Variants in LRRC7 observed in about 807,000 individuals in gnomAD.
LRRC7 encodes the protein leucine-rich repeat-containing protein 7.
In LRRC7, 23 loss-of-function variants were observed where a neutral mutation model predicts 175.7. The observed-to-expected ratio is 0.13, with a 90% CI of 0.09 to 0.19. The LOEUF (loss-of-function observed/expected upper bound fraction) is 0.19, where lower values mean the gene tolerates loss of function less well. LRRC7 is among the 10% of genes least tolerant of loss of function. The pLI is 1.00. For synonymous variants in LRRC7, 685 were observed against 680.9 expected (o/e 1.01, Z -0.09); for missense variants, 1,354 against 1,904.7 (o/e 0.71, Z 5.38).
chr1:69,660,876 T>C (rs906016415), intron 1 of LRRC7, among the ~76,000 whole-genome samples: 1 of 152,044 alleles, frequency 6.6e-6, no homozygotes, highest in Non-Finnish European at 1.5e-5. Context: ...GATGTTGAAT[T>C]GAGAATAGAT....
rs746175015 is a variant in LRRC7, at chr1:70,023,360, C to G, written c.1780C>G (p.Leu594Val). The change falls in exon 17 of 27, where the codon CTA (leucine) becomes GTA (valine). Residue 594 changes from leucine (L) to valine (V), a missense_variant. Leu to Val is a conservative substitution (Grantham distance 32). Around this residue, in one of 4 missense-constraint regions of LRRC7, gnomAD observed 1,032 missense variants for 1,227.2 expected, o/e 0.84. Coordinates refer to ENST00000651989, the MANE Select transcript of LRRC7 (RefSeq NM_001370785.2). ...VAAQSTTLPS[L>V]SGRQVEINLK... Reference sequence around the variant, plus strand: ...AGCACAATCCACCACTCTTCCCTCTCTAAGTGGCAGACAGGTAGGCCTAGG... The same window carrying G: ...AGCACAATCCACCACTCTTCCCTCTGTAAGTGGCAGACAGGTAGGCCTAGG... 1.5e-5 allele frequency: 24 copies of G among 1,596,264 alleles called. No homozygotes were observed. Among genetic ancestry groups the G allele is most frequent in the Non-Finnish European group, 1.9e-5 (22 of 1,168,924 alleles).
intron 26 of LRRC7, among the ~76,000 whole-genome samples, chr1:70,120,356 C>G (rs1323252856): frequency 1.3e-5 from 2 of 151,756 alleles, no homozygotes; most frequent in South Asian, 2.1e-4. Flanking sequence ...ACATGAATTT[C>G]CAAGAATTTA....
chr1:69,867,736 G>A (rs1685097548), intron 7 of LRRC7, among the ~76,000 whole-genome samples: 1 of 152,072 alleles, frequency 6.6e-6, no homozygotes, highest in Non-Finnish European at 1.5e-5. Flanking sequence ...AAAGGTTGTA[G>A]GAAAAGAGAA....
intron 8 of LRRC7, among the ~76,000 whole-genome samples, chr1:69,939,279 G>A (rs1648449014): frequency 6.6e-6 from 1 of 151,740 alleles, no homozygotes; most frequent in Non-Finnish European, 1.5e-5. Flanking sequence ...GTTTGAAAAG[G>A]TGAAATTGGG....
chr1:69,868,922 C>CATAT (rs141732988), intron 7 of LRRC7, among the ~76,000 whole-genome samples: 10,264 of 148,454 alleles, frequency 0.069, 398 homozygotes, highest in East Asian at 0.15. Context: ...TACATATGTA[C>CATAT]ATATATATAT....
intron 11 of LRRC7, among the ~76,000 whole-genome samples, chr1:69,999,353 A>G (rs1024096088): frequency 1.3e-5 from 2 of 152,200 alleles, no homozygotes; most frequent in Non-Finnish European, 2.9e-5. Flanking sequence ...AGAAGGCAGA[A>G]TAGGGAAGCT....
intron 1 of LRRC7, among the ~76,000 whole-genome samples, chr1:69,668,027 A>G (rs1362503484): frequency 6.6e-6 from 1 of 152,012 alleles, no homozygotes; most frequent in African/African-American, 2.4e-5. Flanking sequence ...ACTATCTTAT[A>G]ACCCATTATT....
intron 7 of LRRC7, among the ~76,000 whole-genome samples, chr1:69,870,693 C>A (rs1685441137): frequency 1.3e-5 from 2 of 152,054 alleles, no homozygotes; most frequent in African/African-American, 2.4e-5. Context: ...GAAATAAAGA[C>A]CCAAATTATA....
At chr1:69,918,271 T>C (rs1273636819) in intron 7 of LRRC7, among the ~76,000 whole-genome samples, 2 of 152,184 alleles carry the variant, frequency 1.3e-5, no homozygotes, top group Non-Finnish European at 2.9e-5. Context: ...GGAGAAACCC[T>C]GCGTCTCTGG....
chr1:70,078,375 C>T (rs1320290949), intron 24 of LRRC7, among the ~76,000 whole-genome samples: 4 of 152,200 alleles, frequency 2.6e-5, no homozygotes, highest in African/African-American at 9.6e-5. Flanking sequence ...GTCATGTGCT[C>T]CTCTTCCCAA....
intron 4 of LRRC7, among the ~76,000 whole-genome samples, chr1:69,796,833 A>G (rs1675843158): frequency 6.6e-6 from 1 of 151,866 alleles, no homozygotes; most frequent in Non-Finnish European, 1.5e-5. Context: ...AAAAACAGAC[A>G]TTTCAGATGT....
At chr1:70,018,333 A>T (rs1657141698) in intron 14 of LRRC7, among the ~76,000 whole-genome samples, 1 of 152,098 alleles carries the variant, frequency 6.6e-6, no homozygotes, top group Non-Finnish European at 1.5e-5. Flanking sequence ...CTTGCATAGC[A>T]TAAATTTGAT....
chr1:70,138,128 CA>C lies in LRRC7; in HGVS notation c.*16242del, dbSNP rs1375845360. 2.0e-5 allele frequency: 3 copies of C among 152,180 alleles called. No individual in the cohort carries two copies. The highest frequency in any genetic ancestry group is 7.2e-5 in the African/African-American group (3 of 41,428). The allele number at this position is 152,180 out of a possible 1,614,324, so 9.4% of individuals were successfully genotyped here. A position where few individuals can be genotyped will look rare whatever the true frequency, so the allele number is the denominator to read the frequency against. On this transcript the variant is annotated 3_prime_UTR_variant, in exon 27 of 27. Coordinates refer to ENST00000651989, the MANE Select transcript of LRRC7 (RefSeq NM_001370785.2). ...CTTGTAGAAACTTAGTGTCATTGCG[CA>C]TCAACTTAGAAAATGTGAATTGATT...
intron 10 of LRRC7, among the ~76,000 whole-genome samples, chr1:69,987,790 A>G (rs775067387): frequency 9.9e-5 from 15 of 152,210 alleles, no homozygotes; most frequent in Non-Finnish European, 1.8e-4. Flanking sequence ...ATTGTGGTCC[A>G]TCGTTTCTTT....
chr1:69,697,782 G>A (rs1289677858), intron 2 of LRRC7, among the ~76,000 whole-genome samples: 4 of 152,170 alleles, frequency 2.6e-5, no homozygotes, highest in African/African-American at 9.7e-5. Context: ...AATCTACTTT[G>A]TGTCTATTTA....
intron 1 of LRRC7, among the ~76,000 whole-genome samples, chr1:69,570,656 G>A (rs1645704448): frequency 6.6e-6 from 1 of 152,052 alleles, no homozygotes; most frequent in Non-Finnish European, 1.5e-5. Context: ...GAACTACCAC[G>A]AGGTGTTTTT....
In LRRC7 at chr1:70,143,096, A is replaced by C. The variant is rs964851929; in HGVS notation, c.*21209A>C. On this transcript the variant is annotated 3_prime_UTR_variant, in exon 27 of 27. Transcript: ENST00000651989. ...TCTTTTTCTCATTTCAGCTCATATA[A>C]TTCAGTTAGTGAAATATTTCACTCT... 2 of 151,892 alleles carry C rather than the reference A, an allele frequency of 1.3e-5. No homozygotes were observed. The highest frequency in any genetic ancestry group is 2.9e-5 in the Non-Finnish European group (2 of 67,986). The allele number at this position is 151,892 out of a possible 1,614,324, so 9.4% of individuals were successfully genotyped here.
chr1:69,702,502 G>A (rs1663489942), intron 2 of LRRC7, among the ~76,000 whole-genome samples: 1 of 152,048 alleles, frequency 6.6e-6, no homozygotes, highest in African/African-American at 2.4e-5. Context: ...CTTTTCTGAG[G>A]CTTTTTCTTT....
intron 8 of LRRC7, among the ~76,000 whole-genome samples, chr1:69,939,415 C>A (rs1429679575): frequency 6.6e-6 from 1 of 151,904 alleles, no homozygotes; most frequent in African/African-American, 2.4e-5. Context: ...TCTAGTGTCA[C>A]CACAGTGAAG....
Sources: gnomAD v4.1 joint callset for allele counts (sites outside exome capture counted in the v4.1 genomes callset) on GRCh38, gnomAD v4.1.1 for gene constraint, gnomAD v4.1.1 regional missense constraint, MANE v1.5 for transcripts, NCBI Gene and HGNC (gene_info 2026-07-23, HGNC 2026-07-21) for gene names.